The following NLRC4 variants were observed in gnomAD, a reference collection of about 807,000 sequenced individuals.
The protein encoded by NLRC4 is NLR family CARD domain-containing protein 4.
A neutral mutation model predicts 79.9 loss-of-function variants in NLRC4; 63 were observed. The observed-to-expected ratio is 0.79, with a 90% CI of 0.64 to 0.97. The LOEUF (loss-of-function observed/expected upper bound fraction) is 0.97. Ranked by LOEUF, NLRC4 falls within the 50% of genes least tolerant of loss-of-function variation. NLRC4 has a pLI of 0.00. For missense variants in NLRC4, 1,074 were observed against 1,215.2 expected (o/e 0.88, Z 1.73); for synonymous variants, 461 against 456.5 (o/e 1.01, Z -0.12).
At chr2:32,235,350 AT>A in intron 8 of NLRC4, 50 bp downstream of exon 8, 5 of 1,442,490 alleles carry the variant, frequency 3.5e-6, no homozygotes, top group Non-Finnish European at 4.8e-6. Flanking sequence ...CAACTTAAGA[AT>A]TTTTTAAGGG....
chr2:32,247,771 C>A (rs1429943300), intron 4 of NLRC4, among the ~76,000 whole-genome samples: 4 of 152,078 alleles, frequency 2.6e-5, no homozygotes, highest in Admixed American at 2.0e-4. Context: ...CTCTCCACAG[C>A]CCTTCTACCT....
chr2:32,232,068 A>G (rs1449363303), intron 8 of NLRC4, among the ~76,000 whole-genome samples: 1 of 152,122 alleles, frequency 6.6e-6, no homozygotes, highest in Non-Finnish European at 1.5e-5. Context: ...TTTTCTCATC[A>G]TTAGATGGGG....
chr2:32,229,459 A>G (rs1198854816), intron 8 of NLRC4, among the ~76,000 whole-genome samples: 1 of 152,194 alleles, frequency 6.6e-6, no homozygotes. Context: ...GCACCACTGC[A>G]CTGCAGCCTG....
intron 5 of NLRC4, among the ~76,000 whole-genome samples, chr2:32,240,181 A>G (rs1053157936): frequency 3.9e-5 from 6 of 151,964 alleles, no homozygotes; most frequent in African/African-American, 1.2e-4. Flanking sequence ...GGGTTTCACC[A>G]TGTTGGCCAG....
intron 5 of NLRC4, 127 bp from the exon 6 acceptor site, chr2:32,238,429 T>G: frequency 1.3e-6 from 1 of 745,556 alleles, no homozygotes; most frequent in East Asian, 2.8e-5. Context: ...CTGCAGCGAC[T>G]TTAAGTTACA....
At chr2:32,226,248 G>A (rs751341312) in intron 8 of NLRC4, among the ~76,000 whole-genome samples, 7 of 152,220 alleles carry the variant, frequency 4.6e-5, no homozygotes, top group Non-Finnish European at 1.0e-4. Flanking sequence ...CAGCTCCGTA[G>A]TGAGAGGAGA....
At chr2:32,256,641 C>T in intron 2 of NLRC4, 134 bp downstream of exon 2, 1 of 670,290 alleles carries the variant, frequency 1.5e-6, no homozygotes, top group Non-Finnish European at 2.8e-6. Context: ...ATTCCTAAAA[C>T]AACAGAAGAA....
chr2:32,251,510 A>T lies in NLRC4; in HGVS notation c.354T>A (p.Tyr118Ter). Residue 118 changes from tyrosine (Y) to a stop codon, truncating the protein, a stop_gained, in exon 4 of 9, where the codon TAT becomes TAA. Coordinates refer to ENST00000402280, the MANE Select transcript of NLRC4 (RefSeq NM_001199138.2). LOFTEE classifies it high-confidence loss of function. ...TAATGTCAATATCTTCACCAAGGGG[A>T]TAAAAGTTCAGAAAAGATGGGGTAT... The part of the protein sequence containing the change: ...LYHTPSFLNF[Y>*]PLGEDIDIIF... The T allele has an allele frequency of 6.2e-7, 1 of 1,614,112 alleles. No individual in the cohort carries two copies. The highest frequency in any genetic ancestry group is 2.2e-5 in the East Asian group (1 of 44,878).
Position 32,256,883 on chromosome 2 carries a change from T to C in NLRC4, c.-108A>G. The stretch of plus-strand genomic sequence containing the variant: ...TATTGTCCTCTTTTTTCTGTAAAAC[T>C]ACTCTTCATTCTGTAAAACAAACAA... On this transcript the variant is annotated 5_prime_UTR_variant, in exon 2 of 9. It removes the in-frame stop codon of an upstream open reading frame in the 5' UTR. Coordinates refer to ENST00000402280, the MANE Select transcript of NLRC4 (RefSeq NM_001199138.2). The C allele has an allele frequency of 1.4e-6, 1 of 706,038 alleles. No homozygotes were observed. Among genetic ancestry groups the C allele is most frequent in the Non-Finnish European group, 2.6e-6 (1 of 379,448 alleles). 43.7% of individuals were successfully genotyped at this position (706,038 alleles called of 1,614,324 possible). A position where few individuals can be genotyped will look rare whatever the true frequency, so the allele number is the denominator to read the frequency against.
intron 8 of NLRC4, among the ~76,000 whole-genome samples, chr2:32,225,266 T>C (rs1335446788): frequency 6.6e-6 from 1 of 152,174 alleles, no homozygotes; most frequent in Non-Finnish European, 1.5e-5. Context: ...TACCTGTTTA[T>C]GTATAACCCT....
Position 32,250,753 on chromosome 2 carries a change from TC to T in NLRC4, c.1110del (p.Ile371TyrfsTer26), listed in dbSNP as rs763703666. On this transcript the variant is annotated frameshift_variant, in exon 4 of 9. Transcript: ENST00000402280. LOFTEE classifies it high-confidence loss of function. The surrounding 1 kb of genome is among the most constrained non-coding windows in gnomAD (Gnocchi z 4.9). Reference protein sequence around the residue: ...TTLFHTFYDLLIQKNKHKHKG... With the variant: ...TTLFHTFYDLXIQKNKHKHKG... Reference sequence around the variant, plus strand: ...TTATGTTTGTGTTTGTTTTTCTGTATCAACAGATCATAGAAGGTATGGAACA... The same window carrying T: ...TTATGTTTGTGTTTGTTTTTCTGTATAACAGATCATAGAAGGTATGGAACA... 2 of 1,614,198 alleles carry T rather than the reference TC, an allele frequency of 1.2e-6. No individual in the cohort carries two copies. Among genetic ancestry groups the T allele is most frequent in the Non-Finnish European group, 1.7e-6 (2 of 1,180,016 alleles).
intron 1 of NLRC4, among the ~76,000 whole-genome samples, chr2:32,257,322 G>C (rs909322086): frequency 6.6e-6 from 1 of 152,206 alleles, no homozygotes; most frequent in African/African-American, 2.4e-5. Context: ...TAAAGGATAA[G>C]TAGGGCTGGG....
chr2:32,238,015 A>T (rs1686711361), intron 6 of NLRC4, 117 bp downstream of exon 6: 26 of 708,904 alleles, frequency 3.7e-5, no homozygotes, highest in Non-Finnish European at 3.5e-5. Flanking sequence ...AGAAGTTTTT[A>T]TTTTCCAGTT....
intron 6 of NLRC4, among the ~76,000 whole-genome samples, chr2:32,236,887 G>A (rs926823400): frequency 2.0e-5 from 3 of 151,674 alleles, no homozygotes; most frequent in Non-Finnish European, 4.4e-5. Flanking sequence ...TAGCAAAATG[G>A]CAGATTCAAA....
intron 4 of NLRC4, among the ~76,000 whole-genome samples, chr2:32,243,733 G>T (rs573380457): frequency 1.3e-5 from 2 of 151,180 alleles, no homozygotes; most frequent in Non-Finnish European, 2.9e-5. Context: ...AGGAGGCGGC[G>T]GTTGCAGTGA....
rs187352524 is a variant in NLRC4 at position 32,255,584 on chromosome 2, A to G, written c.1+1191T>C. The stretch of plus-strand genomic sequence containing the variant: ...AGGCTTAGAGACCCACACACACACA[A>G]GTTCACAGCCTAGCCTTCCTGAGAC... On this transcript the variant is annotated intron_variant, in intron 2 of 8. Coordinates refer to ENST00000402280, the MANE Select transcript of NLRC4 (RefSeq NM_001199138.2). 2.0e-5 allele frequency among the ~76,000 whole-genome samples: 3 copies of G among 152,028 alleles called. No homozygotes were observed. In the East Asian group the frequency reaches 5.8e-4, roughly 29 times the overall value.
chr2:32,224,525 T>A lies in NLRC4; in HGVS notation c.3023A>T (p.Asp1008Val). 6.2e-7 allele frequency: 1 copy of A among 1,613,564 alleles called. No homozygotes were observed. Among genetic ancestry groups the A allele is most frequent in the Non-Finnish European group, 8.5e-7 (1 of 1,179,772 alleles). ...QEARLVGWQF[D>V]DDDLSVITGA... ...TGTAATAACACTGAGATCATCATCA[T>A]CAAATTGCCACCCAACAAGCCTAGC... The change falls in exon 9 of 9, where the codon GAT becomes GTT. Residue 1008 changes from aspartate to valine, a missense_variant. Physicochemically the swap from Asp to Val is radical, Grantham distance 152. Coordinates refer to ENST00000402280, the MANE Select transcript of NLRC4 (RefSeq NM_001199138.2).
At chr2:32,247,779 C>T (rs557986409) in intron 4 of NLRC4, among the ~76,000 whole-genome samples, 3 of 152,150 alleles carry the variant, frequency 2.0e-5, no homozygotes, top group African/African-American at 7.2e-5. Flanking sequence ...AGCCCTTCTA[C>T]CTTCCTTTCA....
chr2:32,228,467 G>C (rs1423173447), intron 8 of NLRC4, among the ~76,000 whole-genome samples: 1 of 152,164 alleles, frequency 6.6e-6, no homozygotes, highest in Non-Finnish European at 1.5e-5. Context: ...AAAATGTGAA[G>C]AGGACAGTGC....
Sources: gnomAD v4.1 joint callset for allele counts (sites outside exome capture counted in the v4.1 genomes callset) on GRCh38, gnomAD v4.1.1 for gene constraint, Gnocchi (gnomAD v3.1) non-coding constraint, MANE v1.5 for transcripts, NCBI Gene and HGNC (gene_info 2026-07-23, HGNC 2026-07-21) for gene names.